Variants in CAPZA2 observed in about 807,000 individuals in gnomAD.
CAPZA2 encodes F-actin-capping protein subunit alpha-2.
A neutral mutation model predicts 44.0 loss-of-function variants in CAPZA2; 13 were observed. The ratio of observed to expected loss-of-function variants is 0.30; its 90% CI spans 0.19 to 0.47. The LOEUF is 0.47. Among genes scored for constraint, CAPZA2 ranks in the 20% least tolerant of loss-of-function variants. The probability of loss-of-function intolerance (pLI) is 1.00; values close to 1 mark genes in which losing one functional copy is unlikely to be tolerated. For synonymous variants in CAPZA2, 94 were observed against 108.2 expected, an observed-to-expected ratio of 0.87 and a Z score of 0.81; for missense variants, 244 against 338.6, an observed-to-expected ratio of 0.72 and a Z score of 2.19.
chr7:116,911,072 A>AC (rs1480645808), intron 7 of CAPZA2, among the ~76,000 whole-genome samples: 1 of 151,708 alleles, frequency 6.6e-6, no homozygotes, highest in African/African-American at 2.4e-5. Context: ...ACAGACAGAC[A>AC]CCAAGTACTC....
intron 9 of CAPZA2, 60 bp downstream of exon 9, chr7:116,916,182 T>G (rs748605656): frequency 9.0e-6 from 13 of 1,438,474 alleles, no homozygotes; most frequent in Non-Finnish European, 1.2e-5. Flanking sequence ...TCACTGAAAT[T>G]TTAATTTCAG....
At chr7:116,910,745 C>T (rs1447089269) in intron 7 of CAPZA2, among the ~76,000 whole-genome samples, 1 of 152,084 alleles carries the variant, frequency 6.6e-6, no homozygotes, top group African/African-American at 2.4e-5. Context: ...GTGGCTCACG[C>T]CTGTTATCCC....
chr7:116,882,928 C>T (rs1326098895), intron 1 of CAPZA2, among the ~76,000 whole-genome samples: 1 of 152,172 alleles, frequency 6.6e-6, no homozygotes, highest in Non-Finnish European at 1.5e-5. Context: ...GAGTTAATCT[C>T]CCACCTGTAG....
chr7:116,917,478 C>G (rs573240969), intron 9 of CAPZA2, among the ~76,000 whole-genome samples: 8 of 152,210 alleles, frequency 5.3e-5, no homozygotes, highest in African/African-American at 1.9e-4. Context: ...AGGATGGTCT[C>G]GATCTCCTGA....
In CAPZA2 at chr7:116,920,463, G is replaced by A. The variant is rs1052672821; in HGVS notation, c.*2596G>A. The A allele has an allele frequency of 1.6e-4, 25 of 152,388 alleles. No individual in the cohort carries two copies. Among genetic ancestry groups the A allele is most frequent in the African/African-American group, 5.8e-4 (24 of 41,554 alleles). The allele number at this position is 152,388 out of a possible 1,614,324, so 9.4% of individuals were successfully genotyped here. A position where few individuals can be genotyped will look rare whatever the true frequency, so the allele number is the denominator to read the frequency against. On this transcript the variant is annotated 3_prime_UTR_variant, in exon 10 of 10. Coordinates refer to ENST00000361183, the MANE Select transcript of CAPZA2 (RefSeq NM_006136.3). ...GAGCATGCTGGCTTGGACTGAGGTG[G>A]TTGCTGTAGAGGTGGTATAAAGCAG...
chr7:116,882,761 A>G (rs773752441), intron 1 of CAPZA2, among the ~76,000 whole-genome samples: 18 of 152,310 alleles, frequency 1.2e-4, no homozygotes, highest in Non-Finnish European at 2.2e-4. Flanking sequence ...CATACCACAT[A>G]ATATTTGGAA....
chr7:116,900,192 A>G (rs1484908291), intron 4 of CAPZA2, among the ~76,000 whole-genome samples: 1 of 151,970 alleles, frequency 6.6e-6, no homozygotes, highest in Admixed American at 6.6e-5. Flanking sequence ...ATTAATAGTA[A>G]ATGTCATAAA....
intron 1 of CAPZA2, among the ~76,000 whole-genome samples, chr7:116,878,215 A>G (rs1655957443): frequency 6.6e-6 from 1 of 152,190 alleles, no homozygotes; most frequent in Admixed American, 6.5e-5. Flanking sequence ...TTTGAGAGTT[A>G]CTGTGTGGTG....
chr7:116,892,832 T>TTC, intron 2 of CAPZA2, among the ~76,000 whole-genome samples, 162 bp from the exon 3 acceptor site: 1 of 152,138 alleles, frequency 6.6e-6, no homozygotes. Flanking sequence ...TTTTTTTTTT[T>TTC]TAATACTATG....
Position 116,884,494 on chromosome 7 carries a change from A to G in CAPZA2, c.40-3633A>G, listed in dbSNP as rs574351023. On this transcript the variant is annotated intron_variant, in intron 1 of 9. Coordinates refer to ENST00000361183, the MANE Select transcript of CAPZA2 (RefSeq NM_006136.3). ...AATATTGTTTATTTGAGAATGTCAT[A>G]TATAGGGAATACTGTAGAGTTACTA... Among the ~76,000 whole-genome samples the G allele has an allele frequency of 1.0e-3, 159 of 152,246 alleles. 1 individual carries two copies. Among genetic ancestry groups the G allele is most frequent in the African/African-American group, 3.7e-3 (155 of 41,506 alleles).
At chr7:116,875,913 A>G (rs1240773370) in intron 1 of CAPZA2, 1 of 152,092 alleles carries the variant, frequency 6.6e-6, no homozygotes, top group Non-Finnish European at 1.5e-5. Context: ...CATCTGAGGT[A>G]TTTATTGATG....
At chr7:116,893,773 A>G (rs187480596) in intron 3 of CAPZA2, among the ~76,000 whole-genome samples, 105 of 152,324 alleles carry the variant, frequency 6.9e-4, no homozygotes, top group African/African-American at 2.5e-3. Context: ...TACCTGACAC[A>G]TACATGTACA....
intron 1 of CAPZA2, chr7:116,874,043 A>G (rs1386617282): frequency 2.0e-5 from 3 of 152,974 alleles, no homozygotes; most frequent in Admixed American, 6.5e-5. Flanking sequence ...TCCAAGTATC[A>G]TAGGCCATTA....
chr7:116,872,572 C>T (rs1228783528), intron 1 of CAPZA2, among the ~76,000 whole-genome samples: 1 of 152,164 alleles, frequency 6.6e-6, no homozygotes, highest in Non-Finnish European at 1.5e-5. Flanking sequence ...ACCTGACACA[C>T]AGACATGTGA....
intron 1 of CAPZA2, among the ~76,000 whole-genome samples, chr7:116,886,694 C>T (rs1796765732): frequency 6.6e-6 from 1 of 152,200 alleles, no homozygotes; most frequent in African/African-American, 2.4e-5. Context: ...GGACCTGTCT[C>T]CAGAGATTCT....
intron 6 of CAPZA2, among the ~76,000 whole-genome samples, chr7:116,906,953 A>G (rs1419654033): frequency 1.3e-5 from 2 of 152,184 alleles, no homozygotes; most frequent in Non-Finnish European, 2.9e-5. Flanking sequence ...ATTTCTGAGT[A>G]CCTGTTACAA....
chr7:116,897,862 T>TG (rs752478890), intron 3 of CAPZA2, among the ~76,000 whole-genome samples: 62 of 152,138 alleles, frequency 4.1e-4, no homozygotes, highest in Non-Finnish European at 7.9e-4. Flanking sequence ...CTGCTTTTTC[T>TG]GGCTCTCGTT....
At chr7:116,888,030 T>A in intron 1 of CAPZA2, 97 bp from the exon 2 acceptor site, 1 of 817,968 alleles carries the variant, frequency 1.2e-6, no homozygotes, top group Non-Finnish European at 2.0e-6. Flanking sequence ...TAAGCCATTT[T>A]CAGTAGAGCT....
At position 116,893,061 on chromosome 7, in the gene CAPZA2, C is replaced by T; in HGVS notation, c.155+16C>T. The T allele has an allele frequency of 6.6e-7, 1 of 1,514,474 alleles. No individual in the cohort carries two copies. The highest frequency in any genetic ancestry group is 9.1e-7 in the Non-Finnish European group (1 of 1,104,086). The allele number at this position is 1,514,474 out of a possible 1,614,324, so 93.8% of individuals were successfully genotyped here. ...GAGCAGCCCAGTAAGTATTATTTAT[C>T]ATACTAACCTAACTAAAATGACATG... is the stretch of plus-strand genomic sequence containing the variant. On this transcript the variant is annotated intron_variant, in intron 3 of 9. Transcript: ENST00000361183.
Sources: gnomAD v4.1 joint callset for allele counts (sites outside exome capture counted in the v4.1 genomes callset) on GRCh38, gnomAD v4.1.1 for gene constraint, MANE v1.5 for transcripts, NCBI Gene and HGNC (gene_info 2026-07-23, HGNC 2026-07-21) for gene names.